The following CORIN variants were observed in gnomAD, a reference collection of about 807,000 sequenced individuals.
CORIN encodes atrial natriuretic peptide-converting enzyme.
In CORIN, 117 loss-of-function variants were observed where a neutral mutation model predicts 125.3. The observed-to-expected ratio is 0.93, with a 90% CI of 0.80 to 1.09. The LOEUF (loss-of-function observed/expected upper bound fraction) is 1.09. CORIN is among the 50% of genes least tolerant of loss of function. The pLI is 0.00. For missense variants in CORIN, 1,253 were observed against 1,306.7 expected (o/e 0.96, Z 0.63); for synonymous variants, 450 against 466.4 (o/e 0.96, Z 0.45).
At chr4:47,782,260 T>G (rs1252987544) in intron 3 of CORIN, among the ~76,000 whole-genome samples, 1 of 150,146 alleles carries the variant, frequency 6.7e-6, no homozygotes, top group Non-Finnish European at 1.5e-5. Flanking sequence ...TGGCGTGTGC[T>G]TGTAATCCCA....
intron 1 of CORIN, among the ~76,000 whole-genome samples, chr4:47,826,716 C>T (rs1482369778): frequency 6.6e-6 from 1 of 152,052 alleles, no homozygotes; most frequent in Non-Finnish European, 1.5e-5. Context: ...TTGCAAAGTC[C>T]CTTTTGACAT....
At chr4:47,614,999 G>A (rs1007992612) in intron 19 of CORIN, among the ~76,000 whole-genome samples, 4 of 152,220 alleles carry the variant, frequency 2.6e-5, no homozygotes, top group Admixed American at 2.0e-4. Flanking sequence ...AGGTTGGTTA[G>A]GGAAGGTCTT....
intron 5 of CORIN, among the ~76,000 whole-genome samples, chr4:47,698,712 T>C (rs1037183734): frequency 1.3e-5 from 2 of 152,128 alleles, no homozygotes; most frequent in African/African-American, 4.8e-5. Context: ...ATTGAGTAGC[T>C]GTGGAGGTAC....
At chr4:47,602,880 G>A (rs777332143) in intron 20 of CORIN, among the ~76,000 whole-genome samples, 1 of 152,088 alleles carries the variant, frequency 6.6e-6, no homozygotes, top group Non-Finnish European at 1.5e-5. Context: ...TAGCTTTTGG[G>A]TCTGGGTACT....
At chr4:47,614,077 G>A (rs1721977662) in intron 19 of CORIN, among the ~76,000 whole-genome samples, 1 of 152,198 alleles carries the variant, frequency 6.6e-6, no homozygotes, top group African/African-American at 2.4e-5. Flanking sequence ...AAAATGATGT[G>A]CAAAATAGAA....
At chr4:47,776,277 A>G (rs1730293953) in intron 3 of CORIN, among the ~76,000 whole-genome samples, 1 of 143,346 alleles carries the variant, frequency 7.0e-6, no homozygotes, top group Non-Finnish European at 1.5e-5. Flanking sequence ...AGCCTCCCAA[A>G]GTGCTAGGAT....
chr4:47,769,406 T>C (rs1376715651), intron 3 of CORIN, among the ~76,000 whole-genome samples: 1 of 152,080 alleles, frequency 6.6e-6, no homozygotes, highest in Non-Finnish European at 1.5e-5. Context: ...AAATATCCTG[T>C]ATTCATGGTT....
intron 1 of CORIN, among the ~76,000 whole-genome samples, chr4:47,824,116 CT>C (rs199752598): frequency 0.031 from 4,283 of 139,090 alleles, 152 homozygotes; most frequent in African/African-American, 0.089. Flanking sequence ...AATGCTATTC[CT>C]TTTTTTTTTT....
intron 3 of CORIN, among the ~76,000 whole-genome samples, chr4:47,785,335 C>A (rs181132285): frequency 6.6e-6 from 1 of 152,296 alleles, no homozygotes; most frequent in African/African-American, 2.4e-5. Flanking sequence ...AGGGCAGTAA[C>A]TTTATCAAAA....
At chr4:47,723,810 C>A (rs1727460887) in intron 5 of CORIN, among the ~76,000 whole-genome samples, 1 of 151,926 alleles carries the variant, frequency 6.6e-6, no homozygotes, top group African/African-American at 2.4e-5. Flanking sequence ...TCCTGGCTAA[C>A]ACGGTGAAAC....
chr4:47,598,222 A>G (rs1244587148), intron 21 of CORIN, among the ~76,000 whole-genome samples: 1 of 152,224 alleles, frequency 6.6e-6, no homozygotes, highest in African/African-American at 2.4e-5. Context: ...CTCACGCTTC[A>G]TTATGTCCTG....
intron 16 of CORIN, among the ~76,000 whole-genome samples, chr4:47,635,083 A>G (rs1483850556): frequency 6.6e-6 from 1 of 152,194 alleles, no homozygotes; most frequent in African/African-American, 2.4e-5. Flanking sequence ...TAATGATACA[A>G]TGGGTTAATC....
intron 5 of CORIN, among the ~76,000 whole-genome samples, chr4:47,713,854 G>C (rs527676488): frequency 6.6e-6 from 1 of 151,912 alleles, no homozygotes; most frequent in South Asian, 2.1e-4. Context: ...TTTTTTAATG[G>C]CATAAATGAA....
rs192500431 is a variant in CORIN, at chr4:47,635,996, G to C, written c.2198+5924C>G. Among the ~76,000 whole-genome samples, 12 of 152,290 alleles carry C rather than the reference G, an allele frequency of 7.9e-5. No individual in the cohort carries two copies. In the East Asian group the frequency reaches 2.3e-3, roughly 29 times the overall value. On this transcript the variant is annotated intron_variant, in intron 16 of 21. Coordinates refer to ENST00000273857, the MANE Select transcript of CORIN (RefSeq NM_006587.4). ...TTCATATCATGTCCAAGACAATGCT[G>C]CAACCATGGTGATGACTGGGAGTAA...
chr4:47,699,383 T>C (rs1303279591), intron 5 of CORIN, among the ~76,000 whole-genome samples: 1 of 152,184 alleles, frequency 6.6e-6, no homozygotes, highest in Admixed American at 6.5e-5. Context: ...CCACTCCTAA[T>C]AGTGCCAGTG....
At chr4:47,828,152 AGTAT>A (rs1732819487) in intron 1 of CORIN, among the ~76,000 whole-genome samples, 1 of 152,152 alleles carries the variant, frequency 6.6e-6, no homozygotes, top group African/African-American at 2.4e-5. Flanking sequence ...CATAATCAGA[AGTAT>A]GTGTTTGTTT....
chr4:47,671,842 G>A (rs1724777813), intron 10 of CORIN, among the ~76,000 whole-genome samples: 3 of 152,114 alleles, frequency 2.0e-5, no homozygotes, highest in Admixed American at 2.0e-4. Context: ...ACCCGCCTCG[G>A]CCTCCCAAAG....
chr4:47,770,811 G>C (rs1729993301), intron 3 of CORIN, among the ~76,000 whole-genome samples: 2 of 152,042 alleles, frequency 1.3e-5, no homozygotes, highest in Non-Finnish European at 2.9e-5. Flanking sequence ...ACTTATATGT[G>C]GAATCTTAAA....
chr4:47,720,746 C>CA (rs2109796429), intron 5 of CORIN, among the ~76,000 whole-genome samples: 1 of 152,290 alleles, frequency 6.6e-6, no homozygotes, highest in African/African-American at 2.4e-5. Context: ...GTTTTGCATA[C>CA]AGAACCACCA....
Sources: allele counts gnomAD v4.1 joint callset (sites outside exome capture counted in the v4.1 genomes callset), GRCh38; gene constraint gnomAD v4.1.1; transcripts MANE v1.5; gene names NCBI Gene and HGNC (gene_info 2026-07-23, HGNC 2026-07-21).